Variants in RAPGEF4 observed in about 807,000 individuals in gnomAD.
RAPGEF4 encodes the protein RAP guanine-nucleotide-exchange factor (GEF) 4.
RAPGEF4 carries 66 observed loss-of-function variants against 147.9 expected under a neutral mutation model. That is an observed-to-expected ratio of 0.45 (90% CI 0.37 to 0.55). RAPGEF4 has a LOEUF of 0.55. Among genes scored for constraint, RAPGEF4 ranks in the 20% least tolerant of loss-of-function variants. The pLI is 0.00. For missense variants in RAPGEF4, 1,071 were observed against 1,257.3 expected, an observed-to-expected ratio of 0.85 and a Z score of 2.24; for synonymous variants, 419 against 442.7, an observed-to-expected ratio of 0.95 and a Z score of 0.67.
intron 4 of RAPGEF4, among the ~76,000 whole-genome samples, chr2:172,873,024 A>G (rs985279298): frequency 2.0e-5 from 3 of 152,198 alleles, no homozygotes; most frequent in African/African-American, 2.4e-5. Context: ...ATTGATTGTT[A>G]TAACATGCCA....
intron 2 of RAPGEF4, among the ~76,000 whole-genome samples, chr2:172,796,032 A>T (rs542738468): frequency 3.3e-5 from 5 of 152,230 alleles, no homozygotes; most frequent in Non-Finnish European, 7.3e-5. Flanking sequence ...TTGGCCAGAA[A>T]TGCATCACAT....
chr2:172,824,140 G>T (rs1232581745), intron 4 of RAPGEF4, among the ~76,000 whole-genome samples: 1 of 152,196 alleles, frequency 6.6e-6, no homozygotes, highest in Non-Finnish European at 1.5e-5. Context: ...ATATTATTTG[G>T]AAGGGAAGAA....
rs568290980 is a variant in RAPGEF4, at chr2:172,819,489, G to C, written c.444+5064G>C. Among the ~76,000 whole-genome samples the C allele has an allele frequency of 4.9e-4, 14 of 28,854 alleles. No homozygotes were observed. The East Asian group carries it at 0.012, about 25-fold the overall frequency. The allele number at this position is 28,854 out of a possible 152,430, so 18.9% of individuals were successfully genotyped here. ...TTTTTTTTTTTTTTTTTTTTGAGAC[G>C]GAGTCTCGCTCTGTCGCCCAGGCTG... On this transcript the variant is annotated intron_variant, in intron 4 of 30. Transcript: ENST00000397081.
At chr2:173,020,267 T>C (rs1335726554) in intron 22 of RAPGEF4, among the ~76,000 whole-genome samples, 2 of 152,254 alleles carry the variant, frequency 1.3e-5, no homozygotes, top group Non-Finnish European at 2.9e-5. Flanking sequence ...GTGATCTTTC[T>C]ATGTCCAAAG....
At chr2:172,914,782 T>C (rs773617444) in intron 4 of RAPGEF4, among the ~76,000 whole-genome samples, 5 of 152,244 alleles carry the variant, frequency 3.3e-5, no homozygotes, top group Non-Finnish European at 5.9e-5. Context: ...TCACCAATAG[T>C]GTATTAGCAA....
intron 1 of RAPGEF4, among the ~76,000 whole-genome samples, chr2:172,787,322 T>C (rs1309320902): frequency 1.3e-5 from 2 of 152,126 alleles, no homozygotes; most frequent in African/African-American, 2.4e-5. Flanking sequence ...ACCATTATGA[T>C]TTATATAGAA....
chr2:172,897,732 C>CTATTTTATTTTATTT (rs71018523), intron 4 of RAPGEF4, among the ~76,000 whole-genome samples: 2,613 of 134,146 alleles, frequency 0.019, 98 homozygotes, highest in African/African-American at 0.054. Flanking sequence ...GAGTTTTCAT[C>CTATTTTATTTTATTT]TATTTTATTT....
chr2:172,914,739 AG>A (rs1432225439), intron 4 of RAPGEF4, among the ~76,000 whole-genome samples: 1 of 152,228 alleles, frequency 6.6e-6, no homozygotes, highest in Non-Finnish European at 1.5e-5. Context: ...CACTGCTATA[AG>A]CAATATATGA....
At chr2:172,847,092 GA>G (rs2149721694) in intron 4 of RAPGEF4, among the ~76,000 whole-genome samples, 1 of 152,258 alleles carries the variant, frequency 6.6e-6, no homozygotes, top group Non-Finnish European at 1.5e-5. Flanking sequence ...AAGAATTGGG[GA>G]CATACGGGCC....
At chr2:172,979,397 A>G (rs1270969977) in intron 10 of RAPGEF4, among the ~76,000 whole-genome samples, 1 of 152,256 alleles carries the variant, frequency 6.6e-6, no homozygotes, top group Non-Finnish European at 1.5e-5. Context: ...ACCCACCCTG[A>G]TAACAATACC....
intron 4 of RAPGEF4, among the ~76,000 whole-genome samples, chr2:172,840,864 A>C (rs12474304): frequency 0.081 from 12,257 of 152,210 alleles, 652 homozygotes; most frequent in East Asian, 0.23. Context: ...GAGAGCTTTC[A>C]ACTGTTTCCC....
intron 23 of RAPGEF4, 151 bp downstream of exon 23, chr2:173,020,866 T>A: frequency 1.7e-6 from 1 of 597,602 alleles, no homozygotes; most frequent in Non-Finnish European, 2.9e-6. Flanking sequence ...AAGCCTCAGG[T>A]GTTCATTTGA....
intron 10 of RAPGEF4, among the ~76,000 whole-genome samples, chr2:172,971,636 T>C (rs1009620043): frequency 1.3e-5 from 2 of 152,184 alleles, no homozygotes; most frequent in African/African-American, 4.8e-5. Context: ...GGCTGGCAGT[T>C]TCTTCTTTTG....
intron 8 of RAPGEF4, among the ~76,000 whole-genome samples, chr2:172,964,218 C>G (rs1414153837): frequency 6.6e-6 from 1 of 151,836 alleles, no homozygotes; most frequent in Admixed American, 6.6e-5. Context: ...CGGGTATAGA[C>G]TGTAATAAGG....
chr2:172,983,575 A>G lies in RAPGEF4; in HGVS notation c.1084A>G (p.Thr362Ala). 6.2e-7 allele frequency: 1 copy of G among 1,613,228 alleles called. No homozygotes were observed. The highest frequency in any genetic ancestry group is 8.5e-7 in the Non-Finnish European group (1 of 1,179,890). The stretch of plus-strand genomic sequence containing the variant: ...TATTAAAGCCTTATCCCATCTTTCT[A>G]CCACAGTAAGTTGTCTCTTAGTTTA... ...LHIKALSHLS[T>A]TVKRELAGVL... Residue 362 changes from threonine to alanine, a missense_variant, in exon 11 of 31, where the codon ACC becomes GCC. Transcript: ENST00000397081.
intron 1 of RAPGEF4, among the ~76,000 whole-genome samples, chr2:172,742,224 A>C (rs1292133755): frequency 6.6e-6 from 1 of 152,212 alleles, no homozygotes; most frequent in Non-Finnish European, 1.5e-5. Flanking sequence ...TCAGTGTTCA[A>C]ATGTCCCCAT....
intron 4 of RAPGEF4, among the ~76,000 whole-genome samples, chr2:172,894,865 G>C (rs1472657974): frequency 2.6e-5 from 4 of 151,990 alleles, no homozygotes; most frequent in Non-Finnish European, 5.9e-5. Context: ...ACTCTATTTT[G>C]GCCTTTAACT....
At chr2:172,850,549 C>T (rs577456096) in intron 4 of RAPGEF4, among the ~76,000 whole-genome samples, 58 of 151,710 alleles carry the variant, frequency 3.8e-4, no homozygotes, top group East Asian at 2.7e-3. Context: ...ACCCGGGAGG[C>T]GGAGCTTGCA....
At chr2:172,795,613 T>C (rs1686284475) in intron 2 of RAPGEF4, among the ~76,000 whole-genome samples, 1 of 152,218 alleles carries the variant, frequency 6.6e-6, no homozygotes, top group Non-Finnish European at 1.5e-5. Flanking sequence ...AACAGTTGGA[T>C]TTTTTAAAAA....
Sources: gnomAD v4.1 joint callset for allele counts (sites outside exome capture counted in the v4.1 genomes callset) on GRCh38, gnomAD v4.1.1 for gene constraint, MANE v1.5 for transcripts, NCBI Gene and HGNC (gene_info 2026-07-23, HGNC 2026-07-21) for gene names.